ZNF618: variants seen among roughly 807,000 people sequenced by gnomAD.
ZNF618 encodes the protein zinc finger protein 618.
A neutral mutation model predicts 103.0 loss-of-function variants in ZNF618; 34 were observed. The observed-to-expected ratio is 0.33, with a 90% CI of 0.25 to 0.44. The LOEUF is 0.44. ZNF618 is among the 20% of genes least tolerant of loss of function. The probability of loss-of-function intolerance (pLI) is 1.00; values close to 1 mark genes in which losing one functional copy is unlikely to be tolerated. For synonymous variants in ZNF618, 551 were observed against 542.2 expected, an observed-to-expected ratio of 1.02 and a Z score of -0.23; for missense variants, 1,059 against 1,295.4, an observed-to-expected ratio of 0.82 and a Z score of 2.80.
At chr9:113,896,242 T>G (rs1425023154) in intron 1 of ZNF618, among the ~76,000 whole-genome samples, 2 of 152,088 alleles carry the variant, frequency 1.3e-5, no homozygotes, top group African/African-American at 4.8e-5. Flanking sequence ...TTAAAAATTC[T>G]TGAGTGAAAG....
chr9:113,926,495 C>A (rs1168688488), intron 1 of ZNF618, among the ~76,000 whole-genome samples: 1 of 151,948 alleles, frequency 6.6e-6, no homozygotes, highest in African/African-American at 2.4e-5. Context: ...TCTGGTATTA[C>A]CATTACATTT....
chr9:113,947,625 C>T (rs572791542), intron 1 of ZNF618, among the ~76,000 whole-genome samples: 6 of 152,228 alleles, frequency 3.9e-5, no homozygotes, highest in South Asian at 2.1e-4. Context: ...TTCTGTCCTG[C>T]GTTTTACAAG....
intron 2 of ZNF618, among the ~76,000 whole-genome samples, chr9:113,970,487 G>C (rs1041655093): frequency 1.3e-5 from 2 of 152,100 alleles, no homozygotes; most frequent in Non-Finnish European, 2.9e-5. Context: ...TATGATCTTT[G>C]TGGCAGTTTC....
intron 1 of ZNF618, among the ~76,000 whole-genome samples, chr9:113,879,450 G>A (rs925589888): frequency 4.3e-5 from 6 of 139,560 alleles, no homozygotes; most frequent in Non-Finnish European, 9.0e-5. Flanking sequence ...TGTAAAGGAA[G>A]TAGAGGTGCA....
chr9:113,878,185 C>A (rs1207014384), intron 1 of ZNF618, among the ~76,000 whole-genome samples: 231 of 145,194 alleles, frequency 1.6e-3, no homozygotes, highest in South Asian at 2.0e-3. Context: ...GGTTTGTGAC[C>A]AAAAAAAAAA....
At chr9:113,892,990 C>T (rs1247523458) in intron 1 of ZNF618, among the ~76,000 whole-genome samples, 3 of 152,182 alleles carry the variant, frequency 2.0e-5, no homozygotes, top group African/African-American at 7.2e-5. Context: ...TTAAAGTAAA[C>T]GTTAACATTA....
intron 1 of ZNF618, among the ~76,000 whole-genome samples, chr9:113,947,845 T>C (rs1391778188): frequency 1.3e-5 from 2 of 152,320 alleles, no homozygotes; most frequent in East Asian, 3.9e-4. Context: ...TTTTATTCTC[T>C]TTCTTCCCCT....
rs188969437 is a variant in ZNF618 at position 114,007,470 on chromosome 9, T to C, written c.640+31T>C. On this transcript the variant is annotated intron_variant, in intron 7 of 14. Coordinates refer to ENST00000374126, the MANE Select transcript of ZNF618 (RefSeq NM_001318042.2). ...TCAGGCCCCTCACTCCCTGGAGTCATGCCAAGAGGCGCCCTTCCTTGGAGA... is the reference window on the plus strand; with the variant it reads ...TCAGGCCCCTCACTCCCTGGAGTCACGCCAAGAGGCGCCCTTCCTTGGAGA... The C allele has an allele frequency of 4.7e-3, 7,551 of 1,603,214 alleles. 41 individuals are homozygous for C. The highest frequency in any genetic ancestry group is 0.016 in the Admixed American group (918 of 59,040).
chr9:114,013,911 A>G (rs922672893), intron 9 of ZNF618, among the ~76,000 whole-genome samples: 1 of 152,228 alleles, frequency 6.6e-6, no homozygotes, highest in Non-Finnish European at 1.5e-5. Flanking sequence ...CCAGCAAGCT[A>G]TGTTGTAACA....
At chr9:113,961,600 T>C (rs912807500) in intron 1 of ZNF618, among the ~76,000 whole-genome samples, 19 of 152,236 alleles carry the variant, frequency 1.2e-4, no homozygotes, top group Admixed American at 1.2e-3. Context: ...TCAGTGGCTT[T>C]GAGTTACCGT....
intron 1 of ZNF618, among the ~76,000 whole-genome samples, chr9:113,891,377 C>T (rs1229843174): frequency 1.3e-5 from 2 of 152,078 alleles, no homozygotes; most frequent in East Asian, 3.9e-4. Context: ...TACAGATGGC[C>T]AGTAAGCATA....
intron 13 of ZNF618, among the ~76,000 whole-genome samples, chr9:114,042,432 G>A (rs1026133265): frequency 1.3e-5 from 2 of 152,250 alleles, no homozygotes; most frequent in East Asian, 3.9e-4. Flanking sequence ...CAACACTTTG[G>A]GAAGCTAAGG....
chr9:113,944,944 T>A (rs1351193716), intron 1 of ZNF618, among the ~76,000 whole-genome samples: 1 of 152,102 alleles, frequency 6.6e-6, no homozygotes, highest in Non-Finnish European at 1.5e-5. Context: ...CAGATGCACA[T>A]AAAAAAGTGA....
At chr9:113,955,986 G>C (rs1836246877) in intron 1 of ZNF618, among the ~76,000 whole-genome samples, 4 of 151,894 alleles carry the variant, frequency 2.6e-5, no homozygotes, top group Admixed American at 1.3e-4. Flanking sequence ...GAAGCGGGTG[G>C]ATCACCTGAG....
chr9:114,032,776 G>A lies in ZNF618; in HGVS notation c.1168+48G>A, dbSNP rs148307919. ...ATCCTGTGCGGTAGCTGCCAGCTTCGCCCGCTCCCCCCTGGCAGCCGCGGC... is the reference window on the plus strand; with the variant it reads ...ATCCTGTGCGGTAGCTGCCAGCTTCACCCGCTCCCCCCTGGCAGCCGCGGC... On this transcript the variant is annotated intron_variant, in intron 12 of 14. Transcript: ENST00000374126. 873 of 1,564,222 alleles carry A rather than the reference G, an allele frequency of 5.6e-4. 4 individuals carry two copies. The African/African-American group carries it at 6.5e-3, about 12-fold the overall frequency.
intron 9 of ZNF618, among the ~76,000 whole-genome samples, chr9:114,010,092 C>T (rs1842101812): frequency 6.6e-6 from 1 of 151,546 alleles, no homozygotes; most frequent in African/African-American, 2.4e-5. Context: ...GGCGGATCAC[C>T]TGAGGTCAGG....
chr9:113,922,486 T>G (rs1395364419), intron 1 of ZNF618, among the ~76,000 whole-genome samples: 3 of 151,408 alleles, frequency 2.0e-5, no homozygotes, highest in South Asian at 2.1e-4. Flanking sequence ...TGTTTTTTTT[T>G]TTTTTTTTTT....
In ZNF618 at chr9:114,055,230, C is replaced by G. The variant is rs1846397302; in HGVS notation, c.*5063C>G. ...CCGGAAGGAGGGGCTCCTGCCATAA[C>G]CCAGGTGCCAGCCGGTCTCCGCCTA... On this transcript the variant is annotated 3_prime_UTR_variant, in exon 15 of 15. Coordinates refer to ENST00000374126, the MANE Select transcript of ZNF618 (RefSeq NM_001318042.2). 6.6e-6 allele frequency: 1 copy of G among 152,186 alleles called. No homozygotes were observed. The highest frequency in any genetic ancestry group is 2.1e-4 in the South Asian group (1 of 4,830). The allele number at this position is 152,186 out of a possible 1,614,324, so 9.4% of individuals were successfully genotyped here.
intron 2 of ZNF618, among the ~76,000 whole-genome samples, chr9:113,986,015 T>A (rs1269215863): frequency 6.6e-6 from 1 of 152,140 alleles, no homozygotes; most frequent in Non-Finnish European, 1.5e-5. Flanking sequence ...GGGCAAAAGC[T>A]CAGACAGTGT....
Sources: gnomAD v4.1 joint callset for allele counts (sites outside exome capture counted in the v4.1 genomes callset) on GRCh38, gnomAD v4.1.1 for gene constraint, MANE v1.5 for transcripts, NCBI Gene and HGNC (gene_info 2026-07-23, HGNC 2026-07-21) for gene names.